LRRC8C: variants seen among roughly 807,000 people sequenced by gnomAD.
LRRC8C encodes leucine rich repeat containing 8 VRAC subunit C.
Under a neutral mutation model 55.3 loss-of-function variants are expected in LRRC8C, and 20 were observed. The observed-to-expected ratio is 0.36, with a 90% CI of 0.25 to 0.53. The LOEUF (loss-of-function observed/expected upper bound fraction) is 0.53, where lower values mean the gene tolerates loss of function less well. Ranked by LOEUF, LRRC8C falls within the 20% of genes least tolerant of loss-of-function variation. The pLI is 0.92. For synonymous variants in LRRC8C, 376 were observed against 360.7 expected (o/e 1.04, Z -0.48); for missense variants, 659 against 951.4 (o/e 0.69, Z 4.04).
chr1:89,671,095 C>T (rs1657400648), intron 1 of LRRC8C, among the ~76,000 whole-genome samples: 1 of 152,032 alleles, frequency 6.6e-6, no homozygotes, highest in Admixed American at 6.6e-5. Context: ...CTCTGTCACC[C>T]AGGCTGGAGT....
At chr1:89,622,580 G>A in the LRRC8C span, among the ~76,000 whole-genome samples, 1 of 152,038 alleles carries the variant, frequency 6.6e-6, no homozygotes, top group African/African-American at 2.4e-5. Flanking sequence ...CGATCCGCCC[G>A]CCTCGGCCTC....
intron 1 of LRRC8C, among the ~76,000 whole-genome samples, chr1:89,673,013 C>T (rs1657463290): frequency 6.6e-6 from 1 of 152,116 alleles, no homozygotes; most frequent in South Asian, 2.1e-4. Context: ...CTGCCCAAAA[C>T]ATCATCTACT....
intron 1 of LRRC8C, among the ~76,000 whole-genome samples, chr1:89,679,287 C>T (rs2101259605): frequency 6.6e-6 from 1 of 152,304 alleles, no homozygotes; most frequent in Admixed American, 6.5e-5. Context: ...GGTGCAGTGG[C>T]TCATGCCTGT....
chr1:89,681,151 T>C (rs1657696953), intron 1 of LRRC8C, among the ~76,000 whole-genome samples: 1 of 152,232 alleles, frequency 6.6e-6, no homozygotes, highest in African/African-American at 2.4e-5. Flanking sequence ...CAGAAGTGGC[T>C]CCCTTAGCTT....
intron 2 of LRRC8C, among the ~76,000 whole-genome samples, chr1:89,699,659 C>T (rs528765858): frequency 6.6e-6 from 1 of 152,148 alleles, no homozygotes; most frequent in Non-Finnish European, 1.5e-5. Context: ...GAGACAAGGA[C>T]GGTGTTCGTC....
upstream of LRRC8C, chr1:89,632,110 CTG>C (rs1401700795): frequency 1.3e-5 from 2 of 152,204 alleles, no homozygotes; most frequent in Non-Finnish European, 2.9e-5. Flanking sequence ...TCCCAGAAGA[CTG>C]TGTTACTTAG....
intron 1 of LRRC8C, among the ~76,000 whole-genome samples, chr1:89,649,282 A>G (rs1264473496): frequency 6.6e-6 from 1 of 152,172 alleles, no homozygotes; most frequent in Non-Finnish European, 1.5e-5. Flanking sequence ...TGAACTTCAA[A>G]TTTTATATAA....
intron 1 of LRRC8C, among the ~76,000 whole-genome samples, chr1:89,663,723 AACTAATTT>A (rs1657180655): frequency 6.6e-6 from 1 of 152,184 alleles, no homozygotes; most frequent in African/African-American, 2.4e-5. Context: ...ACAATGGTTG[AACTAATTT>A]ACACTCCCAC....
At chr1:89,656,821 AT>A (rs576518038) in intron 1 of LRRC8C, among the ~76,000 whole-genome samples, 19 of 152,136 alleles carry the variant, frequency 1.2e-4, no homozygotes, top group African/African-American at 3.4e-4. Context: ...AAGCCTAGCT[AT>A]TTTTTTTATT....
the LRRC8C span, among the ~76,000 whole-genome samples, chr1:89,617,729 G>T: frequency 6.6e-6 from 1 of 152,100 alleles, no homozygotes; most frequent in Non-Finnish European, 1.5e-5. Context: ...AGGTCCCAAG[G>T]CCACTCACAC....
intron 1 of LRRC8C, among the ~76,000 whole-genome samples, chr1:89,677,980 A>G (rs577272904): frequency 2.0e-5 from 3 of 152,338 alleles, no homozygotes; most frequent in African/African-American, 7.2e-5. Context: ...TTGTTTTACA[A>G]CTGATGTTTT....
chr1:89,646,457 A>C (rs937876522), intron 1 of LRRC8C, among the ~76,000 whole-genome samples: 2 of 152,174 alleles, frequency 1.3e-5, no homozygotes, highest in African/African-American at 4.8e-5. Flanking sequence ...TTTAATCCCA[A>C]GAATGCAAGG....
chr1:89,654,915 C>G (rs1419943505), intron 1 of LRRC8C, among the ~76,000 whole-genome samples: 1 of 141,514 alleles, frequency 7.1e-6, no homozygotes, highest in African/African-American at 2.6e-5. Context: ...GCTATGTTGC[C>G]CAGACTGGAT....
the LRRC8C span, among the ~76,000 whole-genome samples, chr1:89,616,808 C>A: frequency 6.6e-6 from 1 of 152,182 alleles, no homozygotes; most frequent in East Asian, 1.9e-4. Context: ...ACTATGAGAT[C>A]TCAGGGAATT....
chr1:89,700,118 G>A (rs1431568669), intron 2 of LRRC8C, among the ~76,000 whole-genome samples: 3 of 152,074 alleles, frequency 2.0e-5, no homozygotes, highest in African/African-American at 7.2e-5. Context: ...CCTTTGCCCA[G>A]GAGAAATGGG....
intron 2 of LRRC8C, among the ~76,000 whole-genome samples, chr1:89,704,131 C>T (rs1303050916): frequency 2.0e-5 from 3 of 152,070 alleles, no homozygotes; most frequent in Non-Finnish European, 2.9e-5. Context: ...GTTCTTGTAA[C>T]CACCACTACA....
intron 2 of LRRC8C, among the ~76,000 whole-genome samples, chr1:89,710,473 A>T (rs941200467): frequency 1.3e-5 from 2 of 152,260 alleles, no homozygotes; most frequent in African/African-American, 4.8e-5. Flanking sequence ...TGATGTGGAT[A>T]TGCAGTACCT....
chr1:89,690,705 C>T (rs902540489), intron 2 of LRRC8C, among the ~76,000 whole-genome samples: 4 of 152,150 alleles, frequency 2.6e-5, no homozygotes, highest in African/African-American at 9.7e-5. Context: ...ACAAGCTAAA[C>T]CTCTTTTCCT....
upstream of LRRC8C, among the ~76,000 whole-genome samples, chr1:89,628,489 A>G (rs1217920657): frequency 6.6e-6 from 1 of 152,178 alleles, no homozygotes; most frequent in Non-Finnish European, 1.5e-5. Context: ...TTCTGGGCCC[A>G]AGTGATGTTG....
Sources: gnomAD v4.1 joint callset for allele counts (sites outside exome capture counted in the v4.1 genomes callset) on GRCh38, gnomAD v4.1.1 for gene constraint, MANE v1.5 for transcripts, NCBI Gene and HGNC (gene_info 2026-07-23, HGNC 2026-07-21) for gene names.